Variants in ZNF518A observed in about 807,000 individuals in gnomAD.
ZNF518A encodes zinc finger protein 518.
Under a neutral mutation model 102.7 loss-of-function variants are expected in ZNF518A, and 47 were observed. That is an observed-to-expected ratio of 0.46 (90% CI 0.36 to 0.58). The LOEUF (loss-of-function observed/expected upper bound fraction) is 0.58. Ranked by LOEUF, ZNF518A falls within the 20% of genes least tolerant of loss-of-function variation. The probability of loss-of-function intolerance (pLI) is 0.00; values close to 1 mark genes in which losing one functional copy is unlikely to be tolerated. For synonymous variants in ZNF518A, 652 were observed against 594.6 expected (o/e 1.10, Z -1.40); for missense variants, 1,793 against 1,699.8 (o/e 1.05, Z -0.96).
At chr10:96,197,807 T>G (rs782115334) in intron 1 of ZNF518A, among the ~76,000 whole-genome samples, 11 of 151,396 alleles carry the variant, frequency 7.3e-5, no homozygotes, top group Non-Finnish European at 1.3e-4. Context: ...TCCCAGCTAC[T>G]CGGGAGGCTG....
At chr10:96,166,142 G>C (rs2083138862), downstream of ZNF518A, among the ~76,000 whole-genome samples, 1 of 152,172 alleles carries the variant, frequency 6.6e-6, no homozygotes, top group African/African-American at 2.4e-5. Flanking sequence ...AGTTAGTGGA[G>C]AGAGAATTAG....
chr10:96,154,339 CT>C, intron 3 of ZNF518A, among the ~76,000 whole-genome samples: 1 of 151,862 alleles, frequency 6.6e-6, no homozygotes, highest in African/African-American at 2.4e-5. Flanking sequence ...TGTCATCAAT[CT>C]TTTCTTTCTT....
chr10:96,175,877 C>CCCTCCCTT (rs1463912580), intron 1 of ZNF518A, among the ~76,000 whole-genome samples: 52 of 49,756 alleles, frequency 1.0e-3, no homozygotes, highest in Admixed American at 2.7e-3. Context: ...CTCCCTCCCT[C>CCCTCCCTT]CCTTCCTTCC....
At chr10:96,167,384 G>A (rs1193323858), downstream of ZNF518A, among the ~76,000 whole-genome samples, 1 of 152,168 alleles carries the variant, frequency 6.6e-6, no homozygotes, top group African/African-American at 2.4e-5. Context: ...AACTCAGGAG[G>A]CAGAGGTTGC....
At chr10:96,188,595 A>C (rs898922058) in intron 1 of ZNF518A, among the ~76,000 whole-genome samples, 1 of 152,210 alleles carries the variant, frequency 6.6e-6, no homozygotes, top group Admixed American at 6.5e-5. Flanking sequence ...CTGATGCCAC[A>C]TACTACAAAC....
At chr10:96,189,729 A>ATCT in intron 1 of ZNF518A, 1 of 723,528 alleles carries the variant, frequency 1.4e-6, no homozygotes, top group Non-Finnish European at 2.5e-6. Context: ...CATCATCATC[A>ATCT]TCATCTTCAT....
At chr10:96,142,344 G>T (rs1356491268) in intron 3 of ZNF518A, among the ~76,000 whole-genome samples, 2 of 142,136 alleles carry the variant, frequency 1.4e-5, no homozygotes, top group African/African-American at 5.3e-5. Flanking sequence ...GTGTGTGTGT[G>T]TGTGTGTGTG....
chr10:96,200,040 A>AAAAT lies in ZNF518A; in HGVS notation n.36-3530_36-3527dup. 2.3e-6 allele frequency: 3 copies of AAAAT among 1,315,252 alleles called. No homozygotes were observed. Among genetic ancestry groups the AAAAT allele is most frequent in the Non-Finnish European group, 3.0e-6 (3 of 1,009,188 alleles). 81.5% of individuals were successfully genotyped at this position (1,315,252 alleles called of 1,614,324 possible). ...TCAAAACAAATAAATAAAATAAAATAAAATAAAAATAATAAATAATAAAAA... is the reference window on the plus strand; with the variant it reads ...TCAAAACAAATAAATAAAATAAAATAAAATAAATAAAAATAATAAATAATAAAAA... On this transcript the variant is annotated intron_variant and non_coding_transcript_variant, in intron 1 of 2. Transcript: ENST00000442635. This position sits in a 1 kb window ranked among gnomAD's most constrained non-coding sequence, Gnocchi z 4.3.
chr10:96,191,849 T>C (rs2083334683), intron 1 of ZNF518A: 1 of 1,323,170 alleles, frequency 7.6e-7, no homozygotes, highest in Non-Finnish European at 1.1e-6. Context: ...AATAGCTGAC[T>C]CCATCTTCCA....
At chr10:96,130,899 G>T (rs17476608) in intron 1 of ZNF518A, 147 bp downstream of exon 1, 1 of 152,182 alleles carries the variant, frequency 6.6e-6, no homozygotes, top group African/African-American at 2.4e-5. Context: ...GGTGGCTGTG[G>T]TAATTGAAAA....
chr10:96,158,747 T>C lies in ZNF518A; in HGVS notation c.2425T>C (p.Leu809=). Residue 809 remains leucine, a synonymous_variant, in exon 6 of 6, where the codon TTG becomes CTG. Coordinates refer to ENST00000316045, the MANE Select transcript of ZNF518A (RefSeq NM_001330736.2). ...CTCTAGTAACACTCCAAATAAAGGC[T>C]TGCCACTTCATTGTGACCAGTCATT... is the stretch of plus-strand genomic sequence containing the variant. ...QDSSNTPNKG[L]PLHCDQSFQK... 6.2e-7 allele frequency: 1 copy of C among 1,613,382 alleles called. No individual in the cohort carries two copies. The highest frequency in any genetic ancestry group is 2.2e-5 in the East Asian group (1 of 44,868).
At chr10:96,184,873 C>T (rs1191428142) in intron 1 of ZNF518A, among the ~76,000 whole-genome samples, 2 of 152,184 alleles carry the variant, frequency 1.3e-5, no homozygotes, top group African/African-American at 2.4e-5. Context: ...GGGAAGTTCT[C>T]CTGGATAATA....
At chr10:96,179,103 G>A (rs971314882) in intron 1 of ZNF518A, among the ~76,000 whole-genome samples, 2 of 151,994 alleles carry the variant, frequency 1.3e-5, no homozygotes, top group Admixed American at 6.6e-5. Context: ...TGTAAGTAAA[G>A]AAAACTACAG....
intron 1 of ZNF518A, among the ~76,000 whole-genome samples, chr10:96,177,374 T>G (rs1249746111): frequency 2.6e-5 from 4 of 152,194 alleles, no homozygotes; most frequent in Non-Finnish European, 5.9e-5. Flanking sequence ...TGCGCTACCT[T>G]AAATATTAAG....
intron 1 of ZNF518A, among the ~76,000 whole-genome samples, chr10:96,179,532 G>C (rs1016260904): frequency 6.6e-6 from 1 of 152,082 alleles, no homozygotes; most frequent in Non-Finnish European, 1.5e-5. Context: ...TCCCCATAGA[G>C]TTTATCCAAA....
At chr10:96,190,499 AT>A (rs1282207287) in intron 1 of ZNF518A, among the ~76,000 whole-genome samples, 1 of 152,196 alleles carries the variant, frequency 6.6e-6, no homozygotes, top group Non-Finnish European at 1.5e-5. Flanking sequence ...GGCCTTATGG[AT>A]TAGGACTTCA....
At chr10:96,170,546 T>C (rs2083167374) in intron 1 of ZNF518A, among the ~76,000 whole-genome samples, 1 of 152,090 alleles carries the variant, frequency 6.6e-6, no homozygotes, top group Non-Finnish European at 1.5e-5. Context: ...CACAAAGCTG[T>C]TGTTCTGAGA....
At chr10:96,135,492 C>A (rs1554874110) in intron 3 of ZNF518A, among the ~76,000 whole-genome samples, 1 of 152,194 alleles carries the variant, frequency 6.6e-6, no homozygotes, top group East Asian at 1.9e-4. Flanking sequence ...CTTTCCTATA[C>A]CTTATAAAGA....
At chr10:96,136,987 A>C (rs1554874696) in intron 3 of ZNF518A, among the ~76,000 whole-genome samples, 3 of 152,258 alleles carry the variant, frequency 2.0e-5, no homozygotes, top group African/African-American at 7.2e-5. Context: ...CATAGGCAAT[A>C]TGTAAATGAG....
Sources: gnomAD v4.1 joint callset for allele counts (sites outside exome capture counted in the v4.1 genomes callset) on GRCh38, gnomAD v4.1.1 for gene constraint, Gnocchi (gnomAD v3.1) non-coding constraint, MANE v1.5 for transcripts, NCBI Gene and HGNC (gene_info 2026-07-23, HGNC 2026-07-21) for gene names.